The following LTBP1 variants were observed in gnomAD, a reference collection of about 807,000 sequenced individuals.
LTBP1 encodes the protein latent transforming growth factor beta binding protein 1.
In LTBP1, 129 loss-of-function variants were observed where a neutral mutation model predicts 207.6. That is an observed-to-expected ratio of 0.62 (90% CI 0.54 to 0.72). LTBP1 has a LOEUF of 0.72. Ranked by LOEUF, LTBP1 falls within the 30% of genes least tolerant of loss-of-function variation. The pLI is 0.00. For synonymous variants in LTBP1, 963 were observed against 833.7 expected, an observed-to-expected ratio of 1.16 and a Z score of -2.67; for missense variants, 2,281 against 2,217.2, an observed-to-expected ratio of 1.03 and a Z score of -0.58.
chr2:33,194,530 T>A (rs1483067780), intron 7 of LTBP1, among the ~76,000 whole-genome samples: 1 of 152,202 alleles, frequency 6.6e-6, no homozygotes, highest in East Asian at 1.9e-4. Context: ...CACAACATTC[T>A]CTTCAGCCAG....
chr2:32,978,513 A>G (rs779263582), intron 2 of LTBP1, among the ~76,000 whole-genome samples: 6 of 152,006 alleles, frequency 3.9e-5, no homozygotes, highest in Non-Finnish European at 8.8e-5. Flanking sequence ...ATTGATTTGC[A>G]TATGTTGAAC....
chr2:33,141,924 C>T (rs936544146), intron 5 of LTBP1, among the ~76,000 whole-genome samples: 3 of 151,930 alleles, frequency 2.0e-5, no homozygotes, highest in African/African-American at 7.3e-5. Flanking sequence ...AAAGAGGCAA[C>T]CAATTCTTGT....
intron 31 of LTBP1, among the ~76,000 whole-genome samples, chr2:33,368,088 T>C (rs1298160572): frequency 6.6e-6 from 1 of 152,024 alleles, no homozygotes; most frequent in Non-Finnish European, 1.5e-5. Context: ...ATGCCTGTAA[T>C]CTCAGCTACT....
chr2:33,029,733 T>C (rs1047506970), intron 3 of LTBP1, among the ~76,000 whole-genome samples: 1 of 152,186 alleles, frequency 6.6e-6, no homozygotes, highest in South Asian at 2.1e-4. Context: ...CTGACTCCGC[T>C]TAACAAAATA....
chr2:33,334,915 A>T (rs865779606), intron 24 of LTBP1, among the ~76,000 whole-genome samples: 7,241 of 140,046 alleles, frequency 0.052, 593 homozygotes, highest in African/African-American at 0.18. Flanking sequence ...CTAAAAATTA[A>T]AAAAAAAAAA....
In LTBP1 at chr2:33,166,675, T is replaced by C. The variant is rs560742357; in HGVS notation, c.1202-20181T>C. Among the ~76,000 whole-genome samples the C allele has an allele frequency of 3.3e-5, 5 of 152,318 alleles. No individual in the cohort carries two copies. In the South Asian group the frequency reaches 1.0e-3, roughly 32 times the overall value. On this transcript the variant is annotated intron_variant, in intron 5 of 33. Transcript: ENST00000404816. Reference sequence around the variant, plus strand: ...TTAAGGAAGTCAGTTTTGATACATATTGTCTTGATTTAATGGAATGTTCCA... The same window carrying C: ...TTAAGGAAGTCAGTTTTGATACATACTGTCTTGATTTAATGGAATGTTCCA...
At chr2:33,056,958 A>T (rs2077032005) in intron 3 of LTBP1, among the ~76,000 whole-genome samples, 1 of 152,084 alleles carries the variant, frequency 6.6e-6, no homozygotes, top group South Asian at 2.1e-4. Context: ...GTCCGTTTTG[A>T]CAGGGTGCTG....
At chr2:32,997,499 G>A (rs1286548746) in intron 2 of LTBP1, among the ~76,000 whole-genome samples, 1 of 152,148 alleles carries the variant, frequency 6.6e-6, no homozygotes, top group Non-Finnish European at 1.5e-5. Context: ...GTGAGACCCT[G>A]TCTTTAAAAA....
intron 7 of LTBP1, among the ~76,000 whole-genome samples, chr2:33,202,708 G>A (rs2089449694): frequency 6.6e-6 from 1 of 152,232 alleles, no homozygotes; most frequent in South Asian, 2.1e-4. Context: ...GCCAGGCTGG[G>A]TCAGTAGAGG....
chr2:33,009,529 A>G (rs1338491327), intron 2 of LTBP1, among the ~76,000 whole-genome samples: 2 of 152,200 alleles, frequency 1.3e-5, no homozygotes, highest in Admixed American at 1.3e-4. Context: ...AGATGTGAAG[A>G]TATAGCAATA....
intron 24 of LTBP1, among the ~76,000 whole-genome samples, chr2:33,327,980 C>T (rs1362676692): frequency 6.6e-6 from 1 of 151,452 alleles, no homozygotes; most frequent in Non-Finnish European, 1.5e-5. Flanking sequence ...ACTAAAAATA[C>T]AAAAATTAGC....
At chr2:33,118,632 C>T (rs1199826367) in intron 4 of LTBP1, among the ~76,000 whole-genome samples, 1 of 152,174 alleles carries the variant, frequency 6.6e-6, no homozygotes, top group East Asian at 1.9e-4. Flanking sequence ...AGACTGACAC[C>T]TGAGAAGGCA....
intron 2 of LTBP1, among the ~76,000 whole-genome samples, chr2:33,013,707 A>G (rs1391049552): frequency 6.6e-5 from 10 of 152,182 alleles, no homozygotes; most frequent in African/African-American, 1.9e-4. Flanking sequence ...TGCTTTTACA[A>G]CTATTGACGG....
intron 23 of LTBP1, among the ~76,000 whole-genome samples, chr2:33,313,470 G>T (rs978782850): frequency 6.6e-6 from 1 of 152,050 alleles, no homozygotes; most frequent in Non-Finnish European, 1.5e-5. Context: ...GTGGCTAAGC[G>T]TGTTGTAGCA....
chr2:33,029,198 C>T (rs72791769), intron 3 of LTBP1, among the ~76,000 whole-genome samples: 14,753 of 152,106 alleles, frequency 0.097, 955 homozygotes, highest in Non-Finnish European at 0.14. Context: ...ATTATTTGTC[C>T]GGGCGTGATG....
intron 32 of LTBP1, among the ~76,000 whole-genome samples, chr2:33,395,538 G>A (rs2095350898): frequency 6.6e-6 from 1 of 152,060 alleles, no homozygotes; most frequent in African/African-American, 2.4e-5. Context: ...TCTCTGAAGG[G>A]CATGCTCTAA....
rs1573248504 is a variant in LTBP1, at chr2:33,040,440, G to T, written c.863+19234G>T. Among the ~76,000 whole-genome samples, 5 of 152,312 alleles carry T rather than the reference G, an allele frequency of 3.3e-5. No individual in the cohort carries two copies. In the South Asian group the frequency reaches 1.0e-3, roughly 32 times the overall value. On this transcript the variant is annotated intron_variant, in intron 3 of 33. Coordinates refer to ENST00000404816, the MANE Select transcript of LTBP1 (RefSeq NM_206943.4). ...AGAATAATATTTCTTTGTAATAAAG[G>T]TAATGAGAGGAGCTTTGCAGCAGGT... is the stretch of plus-strand genomic sequence containing the variant.
chr2:33,279,605 T>C (rs2093517283), intron 18 of LTBP1, among the ~76,000 whole-genome samples: 1 of 152,070 alleles, frequency 6.6e-6, no homozygotes, highest in Admixed American at 6.5e-5. Context: ...GAAGCCAAAG[T>C]GAGAATTTCC....
At chr2:33,368,635 G>C (rs866929505) in intron 31 of LTBP1, among the ~76,000 whole-genome samples, 1 of 152,240 alleles carries the variant, frequency 6.6e-6, no homozygotes. Context: ...CCAGCATGTT[G>C]GGAGGCCGAG....
Sources: allele counts gnomAD v4.1 joint callset (sites outside exome capture counted in the v4.1 genomes callset), GRCh38; gene constraint gnomAD v4.1.1; transcripts MANE v1.5; gene names NCBI Gene and HGNC (gene_info 2026-07-23, HGNC 2026-07-21).